CYP2S1: variants seen among roughly 807,000 people sequenced by gnomAD.
CYP2S1 encodes the protein cytochrome P450 2S1.
A neutral mutation model predicts 43.5 loss-of-function variants in CYP2S1; 32 were observed. The ratio of observed to expected loss-of-function variants is 0.74; its 90% CI spans 0.56 to 0.99. The LOEUF is 0.99. CYP2S1 is among the 50% of genes least tolerant of loss of function. The probability of loss-of-function intolerance (pLI) is 0.00; values close to 1 mark genes in which losing one functional copy is unlikely to be tolerated. For synonymous variants in CYP2S1, 283 were observed against 302.9 expected (o/e 0.93, Z 0.68); for missense variants, 575 against 673.9 (o/e 0.85, Z 1.62).
rs2122172714 is a variant in CYP2S1, at chr19:41,206,511, G to A, written c.*23G>A. On this transcript the variant is annotated 3_prime_UTR_variant, in exon 9 of 9. Coordinates refer to ENST00000310054, the MANE Select transcript of CYP2S1 (RefSeq NM_030622.8). ...TGAAGGAAGGCAACTTGGAAGTGGT[G>A]GGTGCCCAGGACGGTGCCTCCAGCC... 6.2e-7 allele frequency: 1 copy of A among 1,613,950 alleles called. No homozygotes were observed. The highest frequency in any genetic ancestry group is 1.3e-5 in the African/African-American group (1 of 75,038).
Position 41,205,956 on chromosome 19 carries a change from A to T in CYP2S1, c.1165-2A>T, listed in dbSNP as rs372475084. ...TATAGTTTCATTATTATTTCCCCTCAGGGCACGGAGGTCTTCCCCCTCCTT... is the reference window on the plus strand; with the variant it reads ...TATAGTTTCATTATTATTTCCCCTCTGGGCACGGAGGTCTTCCCCCTCCTT... On this transcript the variant is annotated splice_acceptor_variant, in intron 7 of 8. Coordinates refer to ENST00000310054, the MANE Select transcript of CYP2S1 (RefSeq NM_030622.8). LOFTEE classifies it high-confidence loss of function. 3.7e-6 allele frequency: 6 copies of T among 1,612,974 alleles called. No homozygotes were observed. Among genetic ancestry groups the T allele is most frequent in the African/African-American group, 2.7e-5 (2 of 74,856 alleles).
At chr19:41,204,817 C>G (rs1030933588) in intron 7 of CYP2S1, among the ~76,000 whole-genome samples, 4 of 151,536 alleles carry the variant, frequency 2.6e-5, no homozygotes, top group African/African-American at 9.7e-5. Flanking sequence ...AGGCTGGTCT[C>G]AAACTCCTGA....
chr19:41,201,650 G>A (rs989636252), intron 6 of CYP2S1, among the ~76,000 whole-genome samples: 1 of 152,004 alleles, frequency 6.6e-6, no homozygotes, highest in Admixed American at 6.6e-5. Context: ...GTTGCAGTGA[G>A]CTGACATCAC....
rs750348473 is a variant in CYP2S1, at chr19:41,198,446, C to T, written c.494-16C>T. ...GGCTCCATCACAGCCTACCTCCCTG[C>T]CCCCATTCCCCCCAGGACGCCCATT... On this transcript the variant is annotated splice_polypyrimidine_tract_variant and intron_variant, in intron 3 of 8. Coordinates refer to ENST00000310054, the MANE Select transcript of CYP2S1 (RefSeq NM_030622.8). The surrounding 1 kb of genome is among the most constrained non-coding windows in gnomAD (Gnocchi z 4.9). 10 of 1,612,458 alleles carry T rather than the reference C, an allele frequency of 6.2e-6. 1 individual carries two copies. Among genetic ancestry groups the T allele is most frequent in the Middle Eastern group, 3.3e-4 (2 of 6,052 alleles).
chr19:41,201,460 C>A (rs2033488686), intron 6 of CYP2S1, 88 bp downstream of exon 6: 3 of 1,510,456 alleles, frequency 2.0e-6, no homozygotes, highest in Non-Finnish European at 2.7e-6. Flanking sequence ...AATCCCAGCA[C>A]TTTGGGAGGC....
intron 7 of CYP2S1, 66 bp downstream of exon 7, chr19:41,203,703 G>C (rs2033524061): frequency 7.0e-7 from 1 of 1,423,088 alleles, no homozygotes; most frequent in Non-Finnish European, 9.3e-7. Context: ...GTGGTTTGCT[G>C]TCAGTGTCTC....
rs567235860 is a variant in CYP2S1 at position 41,197,119 on chromosome 19, C to G, written c.344-660C>G. On this transcript the variant is annotated intron_variant, in intron 2 of 8. Transcript: ENST00000310054. The stretch of plus-strand genomic sequence containing the variant: ...CTGAGGCAGGAGAATCGCTTGAACC[C>G]GAGAGGCAGAGGTTGCGGTGAGCTG... Among the ~76,000 whole-genome samples the G allele has an allele frequency of 1.1e-3, 173 of 152,176 alleles. 1 individual carries two copies. The highest frequency in any genetic ancestry group is 1.6e-3 in the Admixed American group (25 of 15,288).
intron 2 of CYP2S1, among the ~76,000 whole-genome samples, chr19:41,195,439 G>A (rs2033399269): frequency 6.6e-6 from 1 of 150,714 alleles, no homozygotes; most frequent in Admixed American, 6.6e-5. Flanking sequence ...GGCCAGTGGG[G>A]AAACAGACTC....
chr19:41,198,908 AC>A lies in CYP2S1; in HGVS notation c.834+25del, dbSNP rs1352458396. ...GCACAGGTGTGGGAAGGGTGCAGGG[AC>A]CCCCTCTCTGAATGGGCGTGGTGAC... On this transcript the variant is annotated intron_variant, in intron 5 of 8. Coordinates refer to ENST00000310054, the MANE Select transcript of CYP2S1 (RefSeq NM_030622.8). This position sits in a 1 kb window ranked among gnomAD's most constrained non-coding sequence, Gnocchi z 4.9. 1.3e-5 allele frequency: 21 copies of A among 1,590,948 alleles called. No individual in the cohort carries two copies. Among genetic ancestry groups the A allele is most frequent in the Non-Finnish European group, 1.6e-5 (19 of 1,163,776 alleles).
intron 2 of CYP2S1, among the ~76,000 whole-genome samples, chr19:41,196,415 C>T (rs1303620841): frequency 6.6e-6 from 1 of 152,046 alleles, no homozygotes; most frequent in Admixed American, 6.6e-5. Flanking sequence ...CAGCTGTATT[C>T]AGAGTTGGGA....
Position 41,198,999 on chromosome 19 carries a change from G to C in CYP2S1, c.834+111G>C. 1 of 1,307,652 alleles carries C rather than the reference G, an allele frequency of 7.6e-7. No homozygotes were observed. 81.0% of individuals were successfully genotyped at this position (1,307,652 alleles called of 1,614,324 possible). A position where few individuals can be genotyped will look rare whatever the true frequency, so the allele number is the denominator to read the frequency against. On this transcript the variant is annotated intron_variant, in intron 5 of 8. Transcript: ENST00000310054. This position sits in a 1 kb window ranked among gnomAD's most constrained non-coding sequence, Gnocchi z 4.9. Reference sequence around the variant, plus strand: ...TGGGTTCCTCTCTCTTTCTCTCTCTGCATGTCTCTGTGAGTATGAGTGTCT... The same window carrying C: ...TGGGTTCCTCTCTCTTTCTCTCTCTCCATGTCTCTGTGAGTATGAGTGTCT...
At chr19:41,197,655 A>T (rs1357929169) in intron 2 of CYP2S1, 124 bp from the exon 3 acceptor site, 6 of 1,421,582 alleles carry the variant, frequency 4.2e-6, no homozygotes, top group Non-Finnish European at 5.7e-6. Context: ...AGACGAGATC[A>T]CGCCACTGCA....
Position 41,203,492 on chromosome 19 carries a change from A to C in CYP2S1, c.1019A>C (p.Gln340Pro), listed in dbSNP as rs775061212. 4 of 1,607,310 alleles carry C rather than the reference A, an allele frequency of 2.5e-6. No individual in the cohort carries two copies. The highest frequency in any genetic ancestry group is 3.4e-5 in the Admixed American group (2 of 59,354). The stretch of plus-strand genomic sequence containing the variant: ...CTGAATCGGGAGCTGGGGGCTGGCC[A>C]GGCACCAAGCCTAGGGGACCGTACC... ...EELNRELGAG[Q>P]APSLGDRTRL... Residue 340 changes from glutamine (Q) to proline (P), a missense_variant, in exon 7 of 9, where the codon CAG (glutamine) becomes CCG (proline). By Grantham distance (76) the Gln-to-Pro change is moderately conservative. Around this residue, in one of 2 missense-constraint regions of CYP2S1, gnomAD observed 222 missense variants for 306.3 expected, o/e 0.72. Coordinates refer to ENST00000310054, the MANE Select transcript of CYP2S1 (RefSeq NM_030622.8).
chr19:41,206,498 A>G lies in CYP2S1; in HGVS notation c.*10A>G. 6.2e-7 allele frequency: 1 copy of G among 1,614,118 alleles called. No individual in the cohort carries two copies. Among genetic ancestry groups the G allele is most frequent in the East Asian group, 2.2e-5 (1 of 44,866 alleles). On this transcript the variant is annotated 3_prime_UTR_variant, in exon 9 of 9. Transcript: ENST00000310054. Reference sequence around the variant, plus strand: ...CACGCAGACCAGATGAAGGAAGGCAACTTGGAAGTGGTGGGTGCCCAGGAC... The same window carrying G: ...CACGCAGACCAGATGAAGGAAGGCAGCTTGGAAGTGGTGGGTGCCCAGGAC...
intron 7 of CYP2S1, 123 bp downstream of exon 7, chr19:41,203,760 T>A (rs188903943): frequency 1.0e-6 from 1 of 997,710 alleles, no homozygotes; most frequent in East Asian, 3.1e-5. Context: ...TCTCTCTGTC[T>A]TTATCTCCCT....
At chr19:41,204,496 T>C (rs1031246576) in intron 7 of CYP2S1, among the ~76,000 whole-genome samples, 3 of 151,906 alleles carry the variant, frequency 2.0e-5, no homozygotes, top group African/African-American at 7.3e-5. Context: ...CAGCAGTTTA[T>C]GCAAGCAGCT....
chr19:41,201,362 T>A lies in CYP2S1; in HGVS notation c.966T>A (p.Pro322=), dbSNP rs191743223. ...CCCTCCTGCTCCTGATGAAATACCC[T>A]CATGTCCAAAGTAAGAGCCTTTTCC... ...GYTLLLLMKY[P]HVQKWVREEL... The change falls in exon 6 of 9, where the codon CCT becomes CCA. Residue 322 remains proline (P), a synonymous_variant. Transcript: ENST00000310054. 60 of 1,613,814 alleles carry A rather than the reference T, an allele frequency of 3.7e-5. No homozygotes were observed. In the East Asian group the frequency reaches 1.3e-3, roughly 34 times the overall value.
Position 41,206,823 on chromosome 19 carries a change from C to A in CYP2S1, c.*335C>A. ...CTGCAGCCCACACGTGGGAGTCTGG[C>A]TGTCACCTTCACAAGCCACAGAAAC... is the stretch of plus-strand genomic sequence containing the variant. On this transcript the variant is annotated 3_prime_UTR_variant, in exon 9 of 9. Coordinates refer to ENST00000310054, the MANE Select transcript of CYP2S1 (RefSeq NM_030622.8). 1 of 515,590 alleles carries A rather than the reference C, an allele frequency of 1.9e-6. No homozygotes were observed. The highest frequency in any genetic ancestry group is 1.5e-5 in the South Asian group (1 of 64,692). 31.9% of individuals were successfully genotyped at this position (515,590 alleles called of 1,614,324 possible). A position where few individuals can be genotyped will look rare whatever the true frequency, so the allele number is the denominator to read the frequency against.
chr19:41,193,437 T>C lies in CYP2S1; in HGVS notation c.173T>C (p.Met58Thr). The change falls in exon 1 of 9, where the codon ATG (methionine) becomes ACG (threonine). Residue 58 changes from methionine (M) to threonine (T), a missense_variant. Transcript: ENST00000310054. ...LRPGALYSGL[M>T]RLSKKYGPVF... is the part of the protein sequence containing the mutation. ...CCCGGGGCGCTGTATTCAGGGCTCATGCGGGTAAGGGGCTCTGGGGACGTC... is the reference window on the plus strand; with the variant it reads ...CCCGGGGCGCTGTATTCAGGGCTCACGCGGGTAAGGGGCTCTGGGGACGTC... The C allele has an allele frequency of 2.1e-6, 3 of 1,460,232 alleles. No homozygotes were observed. The highest frequency in any genetic ancestry group is 2.7e-5 in the South Asian group (2 of 73,454). 90.5% of individuals were successfully genotyped at this position (1,460,232 alleles called of 1,614,324 possible).
Sources: gnomAD v4.1 joint callset for allele counts (sites outside exome capture counted in the v4.1 genomes callset) on GRCh38, gnomAD v4.1.1 for gene constraint, gnomAD v4.1.1 regional missense constraint, Gnocchi (gnomAD v3.1) non-coding constraint, MANE v1.5 for transcripts, NCBI Gene and HGNC (gene_info 2026-07-23, HGNC 2026-07-21) for gene names.